ADNP: variants seen among roughly 807,000 people sequenced by gnomAD.
ADNP encodes the protein activity-dependent neuroprotector homeobox protein.
A neutral mutation model predicts 84.9 loss-of-function variants in ADNP; 4 were observed. The observed-to-expected ratio is 0.05, with a 90% confidence interval of 0.02 to 0.11. The LOEUF (loss-of-function observed/expected upper bound fraction) is 0.11, where lower values mean the gene tolerates loss of function less well. ADNP is among the 10% of genes least tolerant of loss of function. ADNP has a pLI of 1.00. For missense variants in ADNP, 1,132 were observed against 1,326.0 expected (o/e 0.85, Z 2.27); for synonymous variants, 554 against 468.1 (o/e 1.18, Z -2.37).
In ADNP at chr20:50,890,874, AAAAAG is replaced by A. The variant is rs1263617661; in HGVS notation, c.*526_*530del. The stretch of plus-strand genomic sequence containing the variant: ...TATTACACAGCAAGGGCAACACTAA[AAAAAG>A]AAATCTATGATGGGCACACAGTAAC... On this transcript the variant is annotated 3_prime_UTR_variant, in exon 6 of 6. Transcript: ENST00000621696. The A allele has an allele frequency of 1.0e-6, 1 of 973,168 alleles. No homozygotes were observed. Among genetic ancestry groups the A allele is most frequent in the Non-Finnish European group, 1.2e-6 (1 of 818,634 alleles). 60.3% of individuals were successfully genotyped at this position (973,168 alleles called of 1,614,324 possible).
intron 5 of ADNP, 135 bp downstream of exon 5, chr20:50,901,882 A>C: frequency 2.6e-6 from 2 of 775,476 alleles, no homozygotes; most frequent in Non-Finnish European, 4.4e-6. Context: ...TGGTCAGGAA[A>C]ATATGAAATG....
rs1236289679 is a variant in ADNP at position 50,910,451 on chromosome 20, TGGGTG to T, written c.-89-5607_-89-5603del. On this transcript the variant is annotated intron_variant, in intron 2 of 5. Coordinates refer to ENST00000621696, the MANE Select transcript of ADNP (RefSeq NM_001282531.3). ...AGACCTATGTTTCTATAAGAAAGCA[TGGGTG>T]TGGACCTGTGGTCCTAGATATACAG... 5.3e-5 allele frequency among the ~76,000 whole-genome samples: 8 copies of T among 152,100 alleles called. No homozygotes were observed. In the East Asian group the frequency reaches 1.6e-3, roughly 30 times the overall value.
intron 2 of ADNP, among the ~76,000 whole-genome samples, chr20:50,911,260 G>A (rs1983000757): frequency 6.6e-6 from 1 of 152,122 alleles, no homozygotes; most frequent in Non-Finnish European, 1.5e-5. Flanking sequence ...GTGCTTTTGA[G>A]GTCTTAGTCA....
At chr20:50,925,423 T>C (rs923319576) in intron 2 of ADNP, among the ~76,000 whole-genome samples, 12 of 152,134 alleles carry the variant, frequency 7.9e-5, no homozygotes, top group African/African-American at 1.9e-4. Flanking sequence ...ATCGCAAAGG[T>C]AGGTCATAAC....
intron 2 of ADNP, among the ~76,000 whole-genome samples, chr20:50,926,052 A>G (rs1374359459): frequency 6.6e-6 from 1 of 152,246 alleles, no homozygotes. Context: ...GTGAGCCGAC[A>G]TTGGGCCACC....
rs1983337950 is a variant in ADNP at position 50,914,405 on chromosome 20, T to C, written c.-89-9556A>G. 4 of 529,838 alleles carry C rather than the reference T, an allele frequency of 7.5e-6. No homozygotes were observed. The South Asian group carries it at 8.2e-5, about 11-fold the overall frequency. 32.8% of individuals were successfully genotyped at this position (529,838 alleles called of 1,614,324 possible). ...AGAGAATGGTAGAAGGTTAAACAGC[T>C]TGGATTTCTTCTTACTTTCTATGTT... On this transcript the variant is annotated intron_variant, in intron 2 of 5. Coordinates refer to ENST00000621696, the MANE Select transcript of ADNP (RefSeq NM_001282531.3).
At chr20:50,906,785 A>G (rs1467621511) in intron 2 of ADNP, among the ~76,000 whole-genome samples, 1 of 152,156 alleles carries the variant, frequency 6.6e-6, no homozygotes, top group East Asian at 1.9e-4. Flanking sequence ...TAATTTATAA[A>G]AAGCGGTATT....
At chr20:50,915,575 C>T (rs1282024831) in intron 2 of ADNP, among the ~76,000 whole-genome samples, 3 of 152,064 alleles carry the variant, frequency 2.0e-5, no homozygotes, top group African/African-American at 4.8e-5. Context: ...TTCCAGATGC[C>T]GGAAACTCTT....
intron 2 of ADNP, among the ~76,000 whole-genome samples, chr20:50,918,985 TTTTA>T (rs531934667): frequency 8.5e-5 from 13 of 152,284 alleles, no homozygotes; most frequent in African/African-American, 2.6e-4. Context: ...GACTTAAAAG[TTTTA>T]TTTATTTTAA....
intron 1 of ADNP, among the ~76,000 whole-genome samples, chr20:50,929,514 A>G (rs1984512905): frequency 6.6e-6 from 1 of 152,192 alleles, no homozygotes; most frequent in East Asian, 1.9e-4. Flanking sequence ...TGTGAAGCAC[A>G]TCCTGTTCTA....
At position 50,923,526 on chromosome 20, in the gene ADNP, A is replaced by AT. The variant is rs562073671; in HGVS notation, c.-90+5124dup. On this transcript the variant is annotated intron_variant, in intron 2 of 5. Coordinates refer to ENST00000621696, the MANE Select transcript of ADNP (RefSeq NM_001282531.3). ...TTTTTGGTTGCTGTTTTTTATTTTT[A>AT]TTTTTTTTTGAGACTGAGTCTCACT... Among the ~76,000 whole-genome samples the AT allele has an allele frequency of 8.6e-3, 1,294 of 150,080 alleles. 11 individuals carry two copies. Among genetic ancestry groups the AT allele is most frequent in the Middle Eastern group, 0.017 (5 of 292 alleles).
At chr20:50,911,718 A>G (rs1983058555) in intron 2 of ADNP, among the ~76,000 whole-genome samples, 1 of 152,110 alleles carries the variant, frequency 6.6e-6, no homozygotes, top group South Asian at 2.1e-4. Context: ...TTACGGGCAG[A>G]AAAAAAGCAG....
chr20:50,912,942 T>C (rs1468439389), intron 2 of ADNP, among the ~76,000 whole-genome samples: 1 of 151,962 alleles, frequency 6.6e-6, no homozygotes, highest in Non-Finnish European at 1.5e-5. Context: ...AATGACGCTA[T>C]TACTAGTGAA....
At chr20:50,907,113 G>A (rs1438361553) in intron 2 of ADNP, among the ~76,000 whole-genome samples, 3 of 151,254 alleles carry the variant, frequency 2.0e-5, no homozygotes, top group Admixed American at 2.0e-4. Flanking sequence ...GACTACAGGC[G>A]CCACCACCAT....
rs951453978 is a variant in ADNP at position 50,890,235 on chromosome 20, C to G, written c.*1170G>C. On this transcript the variant is annotated 3_prime_UTR_variant, in exon 6 of 6. Coordinates refer to ENST00000621696, the MANE Select transcript of ADNP (RefSeq NM_001282531.3). ...CAGATGACAGATCTTGGGTTTTCCA[C>G]AAGTTTCCTCTGTGACTGTGGCTGC... 3.4e-5 allele frequency: 7 copies of G among 204,368 alleles called. No individual in the cohort carries two copies. The highest frequency in any genetic ancestry group is 6.8e-5 in the Non-Finnish European group (7 of 103,568). The allele number at this position is 204,368 out of a possible 1,614,324, so 12.7% of individuals were successfully genotyped here. A position where few individuals can be genotyped will look rare whatever the true frequency, so the allele number is the denominator to read the frequency against.
chr20:50,907,127 C>T (rs1331941698), intron 2 of ADNP, among the ~76,000 whole-genome samples: 2 of 151,538 alleles, frequency 1.3e-5, no homozygotes, highest in Non-Finnish European at 2.9e-5. Flanking sequence ...CCACCATGCC[C>T]AGCTAATTTT....
chr20:50,910,699 G>A (rs1982942167), intron 2 of ADNP, among the ~76,000 whole-genome samples: 1 of 152,096 alleles, frequency 6.6e-6, no homozygotes, highest in Non-Finnish European at 1.5e-5. Context: ...GTGTTACCCA[G>A]GCTGGAGTGC....
At chr20:50,897,938 AGT>A (rs1981585746) in intron 5 of ADNP, among the ~76,000 whole-genome samples, 1 of 152,170 alleles carries the variant, frequency 6.6e-6, no homozygotes, top group African/African-American at 2.4e-5. Context: ...GCACTGGCCA[AGT>A]GTGTGTGTAT....
chr20:50,929,917 G>T (rs936121421), intron 1 of ADNP, among the ~76,000 whole-genome samples: 1 of 152,104 alleles, frequency 6.6e-6, no homozygotes, highest in African/African-American at 2.4e-5. Flanking sequence ...AGAAGATTAA[G>T]AAGACTTCGT....
Sources: gnomAD v4.1 joint callset for allele counts (sites outside exome capture counted in the v4.1 genomes callset) on GRCh38, gnomAD v4.1.1 for gene constraint, MANE v1.5 for transcripts, NCBI Gene and HGNC (gene_info 2026-07-23, HGNC 2026-07-21) for gene names.